KCNJ6: variants seen among roughly 807,000 people sequenced by gnomAD.
The protein encoded by KCNJ6 is potassium inwardly rectifying channel subfamily J member 6.
In KCNJ6, 9 loss-of-function variants were observed where a neutral mutation model predicts 34.2. The observed-to-expected ratio is 0.26, with a 90% CI of 0.16 to 0.46. KCNJ6 has a LOEUF of 0.46. Among genes scored for constraint, KCNJ6 ranks in the 20% least tolerant of loss-of-function variants. The pLI is 1.00. For synonymous variants in KCNJ6, 196 were observed against 207.1 expected (o/e 0.95, Z 0.46); for missense variants, 236 against 531.3 (o/e 0.44, Z 5.46).
At chr21:37,901,140 G>A (rs960827558) in intron 1 of KCNJ6, among the ~76,000 whole-genome samples, 2 of 152,148 alleles carry the variant, frequency 1.3e-5, no homozygotes, top group Non-Finnish European at 2.9e-5. Context: ...TAAATTGACA[G>A]TATTTTATTG....
intron 3 of KCNJ6, among the ~76,000 whole-genome samples, chr21:37,704,263 C>G (rs977471596): frequency 7.7e-5 from 9 of 116,438 alleles, no homozygotes; most frequent in Middle Eastern, 4.2e-3. Context: ...GAACCAGCAG[C>G]ATATTTGTTC....
chr21:37,715,046 C>G lies in KCNJ6; in HGVS notation c.111G>C (p.Arg37Ser). The G allele has an allele frequency of 6.2e-7, 1 of 1,614,120 alleles. No individual in the cohort carries two copies. Among genetic ancestry groups the G allele is most frequent in the Non-Finnish European group, 8.5e-7 (1 of 1,180,002 alleles). The part of the protein sequence containing the change: ...IHQPKLPKQA[R>S]DDLPRHISRD... Reference sequence around the variant, plus strand: ...GGCTGATGTGTCTTGGCAGGTCATCCCTGGCCTGCTTAGGCAACTTTGGCT... The same window carrying G: ...GGCTGATGTGTCTTGGCAGGTCATCGCTGGCCTGCTTAGGCAACTTTGGCT... The change falls in exon 3 of 4, where the codon AGG (arginine) becomes AGC (serine). Residue 37 changes from arginine (R) to serine (S), a missense_variant. Arg to Ser is a moderately radical substitution (Grantham distance 110). Around this residue, in one of 5 missense-constraint regions of KCNJ6, gnomAD observed 64 missense variants for 68.9 expected, o/e 0.93. Coordinates refer to ENST00000609713, the MANE Select transcript of KCNJ6 (RefSeq NM_002240.5).
chr21:37,872,175 T>C (rs973555202), intron 1 of KCNJ6, among the ~76,000 whole-genome samples: 1 of 152,172 alleles, frequency 6.6e-6, no homozygotes, highest in Non-Finnish European at 1.5e-5. Flanking sequence ...CTCAGGGAGC[T>C]TACCTGGTTA....
chr21:37,855,038 C>T (rs1185046447), intron 1 of KCNJ6, among the ~76,000 whole-genome samples: 1 of 152,210 alleles, frequency 6.6e-6, no homozygotes, highest in East Asian at 1.9e-4. Context: ...ATTTGCCACA[C>T]AACAACAGCA....
intron 3 of KCNJ6, among the ~76,000 whole-genome samples, chr21:37,655,347 C>T (rs961561732): frequency 6.6e-5 from 10 of 152,016 alleles, no homozygotes; most frequent in Non-Finnish European, 1.3e-4. Context: ...ACACCCTCCC[C>T]AGAAGTGGCC....
In KCNJ6 at chr21:37,617,044, CTTTCTTTCTTTTCTTTTCT is replaced by C. The variant is rs1434260218; in HGVS notation, c.*8096_*8114del. ...TCTTTCTTTCTTTCTTTCTTTCTTTCTTTCTTTCTTTTCTTTTCTTTTCTTTTCTTTTCTTTCTTTTTCT... is the reference window on the plus strand; with the variant it reads ...TCTTTCTTTCTTTCTTTCTTTCTTTCTTTCTTTTCTTTTCTTTCTTTTTCT... On this transcript the variant is annotated 3_prime_UTR_variant, in exon 4 of 4. Coordinates refer to ENST00000609713, the MANE Select transcript of KCNJ6 (RefSeq NM_002240.5). The C allele has an allele frequency of 1.3e-3, 17 of 13,326 alleles. No homozygotes were observed. The highest frequency in any genetic ancestry group is 0.012 in the Admixed American group (15 of 1,252). 0.8% of individuals were successfully genotyped at this position (13,326 alleles called of 1,614,324 possible).
At chr21:37,683,185 C>T (rs1239738680) in intron 3 of KCNJ6, among the ~76,000 whole-genome samples, 6 of 152,144 alleles carry the variant, frequency 3.9e-5, no homozygotes, top group Admixed American at 6.5e-5. Context: ...AAATTGGCTA[C>T]AAGACATCAC....
chr21:37,878,888 T>A (rs1233937840), intron 1 of KCNJ6, among the ~76,000 whole-genome samples: 3 of 152,196 alleles, frequency 2.0e-5, no homozygotes, highest in Non-Finnish European at 2.9e-5. Flanking sequence ...TCCCGTGTGA[T>A]GTTCCTGATA....
intron 2 of KCNJ6, among the ~76,000 whole-genome samples, chr21:37,765,667 T>C (rs781149591): frequency 1.2e-4 from 18 of 152,230 alleles, no homozygotes; most frequent in Non-Finnish European, 2.4e-4. Flanking sequence ...TGTTACATTG[T>C]GCATACTACA....
At chr21:37,826,127 TCCC>T (rs754857060) in intron 2 of KCNJ6, among the ~76,000 whole-genome samples, 2 of 152,146 alleles carry the variant, frequency 1.3e-5, no homozygotes, top group African/African-American at 2.4e-5. Flanking sequence ...TCTTCCTTAA[TCCC>T]CCAAGAAAGG....
intron 1 of KCNJ6, among the ~76,000 whole-genome samples, chr21:37,893,647 TC>T (rs1158897909): frequency 3.3e-5 from 5 of 151,910 alleles, no homozygotes; most frequent in East Asian, 3.9e-4. Context: ...TTTTTTTTTT[TC>T]CTCTGCCTTT....
chr21:37,613,947 G>C lies in KCNJ6; in HGVS notation c.*11212C>G, dbSNP rs2054251759. 7.2e-6 allele frequency: 1 copy of C among 139,430 alleles called. No homozygotes were observed. The highest frequency in any genetic ancestry group is 1.6e-5 in the Non-Finnish European group (1 of 61,342). 8.6% of individuals were successfully genotyped at this position (139,430 alleles called of 1,614,324 possible). ...CAGTGTAGACTCATCCATTTCCACA[G>C]ATGTACCATTGTGGTTTGGCATATC... On this transcript the variant is annotated 3_prime_UTR_variant, in exon 4 of 4. Coordinates refer to ENST00000609713, the MANE Select transcript of KCNJ6 (RefSeq NM_002240.5).
At chr21:37,671,940 C>T (rs2054544119) in intron 3 of KCNJ6, among the ~76,000 whole-genome samples, 1 of 152,086 alleles carries the variant, frequency 6.6e-6, no homozygotes, top group East Asian at 1.9e-4. Context: ...TGTTTATTGG[C>T]TCTCGTAGTA....
At chr21:37,769,171 A>G (rs1443424036) in intron 2 of KCNJ6, among the ~76,000 whole-genome samples, 2 of 152,200 alleles carry the variant, frequency 1.3e-5, no homozygotes, top group Non-Finnish European at 2.9e-5. Context: ...ATACTGTGTC[A>G]GTGTGGGCAG....
At chr21:37,759,222 C>T (rs190283436) in intron 2 of KCNJ6, among the ~76,000 whole-genome samples, 38 of 152,314 alleles carry the variant, frequency 2.5e-4, no homozygotes, top group African/African-American at 4.8e-4. Flanking sequence ...GTCCTACTCT[C>T]GCCAGCTCTG....
At chr21:37,828,951 T>G (rs1467387533) in intron 2 of KCNJ6, among the ~76,000 whole-genome samples, 2 of 152,176 alleles carry the variant, frequency 1.3e-5, no homozygotes, top group Admixed American at 6.5e-5. Context: ...TCCCATTTGT[T>G]TGCATGGCCA....
At chr21:37,662,121 G>A (rs1390034043) in intron 3 of KCNJ6, among the ~76,000 whole-genome samples, 1 of 152,064 alleles carries the variant, frequency 6.6e-6, no homozygotes, top group African/African-American at 2.4e-5. Flanking sequence ...TTAAGTTCCA[G>A]GATACATGTG....
chr21:37,818,824 A>G (rs1470406117), intron 2 of KCNJ6, among the ~76,000 whole-genome samples: 1 of 152,204 alleles, frequency 6.6e-6, no homozygotes, highest in Non-Finnish European at 1.5e-5. Flanking sequence ...GTTCTAAACA[A>G]TATACATTCA....
chr21:37,625,831 A>T (rs2054308376), intron 3 of KCNJ6, among the ~76,000 whole-genome samples: 1 of 152,232 alleles, frequency 6.6e-6, no homozygotes, highest in African/African-American at 2.4e-5. Flanking sequence ...AGAACCCTGA[A>T]GCCATGACTC....
Sources: allele counts gnomAD v4.1 joint callset (sites outside exome capture counted in the v4.1 genomes callset), GRCh38; gene constraint gnomAD v4.1.1; regional missense constraint gnomAD v4.1.1; transcripts MANE v1.5; gene names NCBI Gene and HGNC (gene_info 2026-07-23, HGNC 2026-07-21).